PTPRD: variants seen among roughly 807,000 people sequenced by gnomAD.
The protein encoded by PTPRD is receptor-type tyrosine-protein phosphatase delta.
PTPRD carries 34 observed loss-of-function variants against 214.5 expected under a neutral mutation model. That is an observed-to-expected ratio of 0.16 (90% CI 0.12 to 0.21). The LOEUF (loss-of-function observed/expected upper bound fraction) is 0.21, where lower values mean the gene tolerates loss of function less well. Among genes scored for constraint, PTPRD ranks in the 10% least tolerant of loss-of-function variants. PTPRD has a pLI of 1.00. For missense variants in PTPRD, 2,545 were observed against 2,398.7 expected (o/e 1.06, Z -1.27); for synonymous variants, 1,128 against 845.7 (o/e 1.33, Z -5.79).
rs1349190421 is a variant in PTPRD at position 10,103,792 on chromosome 9, C to T, written c.-544-70002G>A. On this transcript the variant is annotated intron_variant, in intron 3 of 45. Coordinates refer to ENST00000381196, the MANE Select transcript of PTPRD (RefSeq NM_002839.4). ...GACACTCTTCCACAGGCCAATATATCATGTTCTTGCTTGGTGTTCTCAAGA... is the reference window on the plus strand; with the variant it reads ...GACACTCTTCCACAGGCCAATATATTATGTTCTTGCTTGGTGTTCTCAAGA... Among the ~76,000 whole-genome samples the T allele has an allele frequency of 2.0e-5, 3 of 151,570 alleles. No individual in the cohort carries two copies. The East Asian group carries it at 5.8e-4, about 29-fold the overall frequency.
intron 14 of PTPRD, among the ~76,000 whole-genome samples, chr9:8,541,130 T>C (rs1791381067): frequency 1.3e-5 from 2 of 152,310 alleles, no homozygotes; most frequent in Admixed American, 6.5e-5. Context: ...GTATTACAGA[T>C]CTATGGGGAA....
intron 3 of PTPRD, among the ~76,000 whole-genome samples, chr9:10,187,028 G>GT (rs2099336028): frequency 1.3e-5 from 2 of 152,230 alleles, no homozygotes; most frequent in African/African-American, 4.8e-5. Flanking sequence ...GAGAGAAAAG[G>GT]TATTTTGCTT....
chr9:9,987,797 C>G (rs151102473), intron 4 of PTPRD, among the ~76,000 whole-genome samples: 1 of 152,228 alleles, frequency 6.6e-6, no homozygotes, highest in Non-Finnish European at 1.5e-5. Flanking sequence ...GGAATAAATT[C>G]TTTCTTATAT....
chr9:9,315,814 G>A (rs1216313258), intron 9 of PTPRD, among the ~76,000 whole-genome samples: 1 of 124,256 alleles, frequency 8.0e-6, no homozygotes, highest in Non-Finnish European at 1.7e-5. Flanking sequence ...ATAATTTTCT[G>A]TATTATAGTA....
intron 8 of PTPRD, among the ~76,000 whole-genome samples, chr9:9,460,650 C>G (rs180705716): frequency 5.8e-4 from 88 of 151,978 alleles, no homozygotes; most frequent in Non-Finnish European, 1.1e-3. Context: ...AATAGAATAA[C>G]TATTATTAAA....
At chr9:9,691,168 G>A (rs975247287) in intron 7 of PTPRD, among the ~76,000 whole-genome samples, 85 of 151,910 alleles carry the variant, frequency 5.6e-4, no homozygotes, top group African/African-American at 2.0e-3. Flanking sequence ...CTCTTTCAGT[G>A]ATTGTTAAAT....
intron 11 of PTPRD, among the ~76,000 whole-genome samples, chr9:8,756,554 T>C (rs1362861264): frequency 6.6e-6 from 1 of 152,150 alleles, no homozygotes; most frequent in East Asian, 1.9e-4. Context: ...TTACTTTTTG[T>C]AGGAAACAAT....
intron 11 of PTPRD, among the ~76,000 whole-genome samples, chr9:8,767,258 C>T (rs901427196): frequency 2.2e-4 from 33 of 152,050 alleles, no homozygotes; most frequent in African/African-American, 8.0e-4. Context: ...GCTGGGATTA[C>T]AGGTGTGCAC....
chr9:10,371,890 C>A (rs2097630957), intron 2 of PTPRD, among the ~76,000 whole-genome samples: 1 of 152,044 alleles, frequency 6.6e-6, no homozygotes, highest in South Asian at 2.1e-4. Context: ...CAGCTGATTG[C>A]ATTTTGATTC....
intron 2 of PTPRD, among the ~76,000 whole-genome samples, chr9:10,530,273 T>G (rs1015248059): frequency 4.3e-5 from 4 of 92,624 alleles, no homozygotes; most frequent in African/African-American, 1.9e-4. Flanking sequence ...ACTTAGTTCA[T>G]TATTTAAAGG....
chr9:9,158,927 T>C lies in PTPRD; in HGVS notation c.-143+24377A>G, dbSNP rs112651723. 2.8e-3 allele frequency among the ~76,000 whole-genome samples: 423 copies of C among 152,272 alleles called. 2 individuals carry two copies. Among genetic ancestry groups the C allele is most frequent in the African/African-American group, 9.6e-3 (398 of 41,572 alleles). Reference sequence around the variant, plus strand: ...ACATAATGCAAATCAATAAATCTGATACACCACAGTAACAAAACAAAGAAC... The same window carrying C: ...ACATAATGCAAATCAATAAATCTGACACACCACAGTAACAAAACAAAGAAC... On this transcript the variant is annotated intron_variant, in intron 10 of 45. Coordinates refer to ENST00000381196, the MANE Select transcript of PTPRD (RefSeq NM_002839.4).
chr9:9,079,359 T>C (rs775814889), intron 10 of PTPRD, among the ~76,000 whole-genome samples: 1 of 152,122 alleles, frequency 6.6e-6, no homozygotes, highest in South Asian at 2.1e-4. Flanking sequence ...GTTCCATCTA[T>C]GTTGCCATAC....
At chr9:9,020,933 C>T (rs1224490987) in intron 10 of PTPRD, among the ~76,000 whole-genome samples, 2 of 152,102 alleles carry the variant, frequency 1.3e-5, no homozygotes, top group African/African-American at 4.8e-5. Context: ...GGGCCAGAAG[C>T]TAATTTTAAT....
intron 4 of PTPRD, among the ~76,000 whole-genome samples, chr9:10,009,376 G>T (rs1478789463): frequency 3.3e-5 from 5 of 151,968 alleles, no homozygotes; most frequent in African/African-American, 7.2e-5. Context: ...GTCAATACCT[G>T]TAGGGTGTGC....
At chr9:10,346,838 G>C (rs534981208) in intron 2 of PTPRD, among the ~76,000 whole-genome samples, 1 of 152,252 alleles carries the variant, frequency 6.6e-6, no homozygotes, top group South Asian at 2.1e-4. Context: ...CATGTGATTT[G>C]TCATAGGCCT....
At chr9:8,726,454 G>C (rs1038489547) in intron 12 of PTPRD, among the ~76,000 whole-genome samples, 3 of 149,614 alleles carry the variant, frequency 2.0e-5, no homozygotes, top group Non-Finnish European at 4.4e-5. Context: ...CAAGAAGGCC[G>C]GGTGTGGTGG....
At chr9:8,967,068 G>C (rs2099200846) in intron 11 of PTPRD, among the ~76,000 whole-genome samples, 1 of 151,446 alleles carries the variant, frequency 6.6e-6, no homozygotes, top group South Asian at 2.1e-4. Context: ...TAACATAAGA[G>C]AAAGGCAAAT....
At chr9:10,323,644 C>A (rs979426301) in intron 3 of PTPRD, among the ~76,000 whole-genome samples, 37 of 151,694 alleles carry the variant, frequency 2.4e-4, no homozygotes, top group African/African-American at 9.0e-4. Flanking sequence ...CACTGAATGA[C>A]TGAATTTGGC....
intron 11 of PTPRD, among the ~76,000 whole-genome samples, chr9:8,954,043 C>T (rs931895949): frequency 6.6e-6 from 1 of 151,942 alleles, no homozygotes; most frequent in African/African-American, 2.4e-5. Flanking sequence ...CACATGCACT[C>T]ATATGTTCAT....
Sources: allele counts gnomAD v4.1 joint callset (sites outside exome capture counted in the v4.1 genomes callset), GRCh38; gene constraint gnomAD v4.1.1; transcripts MANE v1.5; gene names NCBI Gene and HGNC (gene_info 2026-07-23, HGNC 2026-07-21).